Variants in ABTB1 observed in about 807,000 individuals in gnomAD.
ABTB1 encodes the protein ankyrin repeat and BTB domain containing 1, also known as ankyrin repeat and BTB/POZ domain-containing protein 1.
A neutral mutation model predicts 57.1 loss-of-function variants in ABTB1; 45 were observed. The observed-to-expected ratio is 0.79, with a 90% confidence interval of 0.62 to 1.01. ABTB1 has a LOEUF of 1.01. Ranked by LOEUF, ABTB1 falls within the 50% of genes least tolerant of loss-of-function variation. ABTB1 has a pLI of 0.00. For synonymous variants in ABTB1, 302 were observed against 275.4 expected, an observed-to-expected ratio of 1.10 and a Z score of -0.95; for missense variants, 630 against 666.3, an observed-to-expected ratio of 0.95 and a Z score of 0.60.
At position 127,677,216 on chromosome 3, in the gene ABTB1, C is replaced by G; in HGVS notation, c.692C>G (p.Pro231Arg). The G allele has an allele frequency of 3.1e-6, 5 of 1,609,714 alleles. No homozygotes were observed. The highest frequency in any genetic ancestry group is 4.2e-6 in the Non-Finnish European group (5 of 1,178,236). Residue 231 changes from proline (P) to arginine (R), a missense_variant, in exon 8 of 12, where the codon CCA becomes CGA. Around this residue, in one of 3 missense-constraint regions of ABTB1, gnomAD observed 579 missense variants for 585.9 expected, o/e 0.99. Transcript: ENST00000232744. ...TCVKVLTIEP[P>R]PADPRLREDM... ...GTGAAGGTGCTGACCATCGAGCCCC[C>G]ACCTGCAGACCCCCGCCTCCGGGAG... is the stretch of plus-strand genomic sequence containing the variant.
Position 127,676,340 on chromosome 3 carries a change from G to A in ABTB1, c.389G>A (p.Arg130His), listed in dbSNP as rs1254838670. The A allele has an allele frequency of 5.6e-6, 9 of 1,613,990 alleles. No homozygotes were observed. Among genetic ancestry groups the A allele is most frequent in the South Asian group, 5.5e-5 (5 of 91,084 alleles). The stretch of plus-strand genomic sequence containing the variant: ...CACGGGAAGCCATTCCGGGTGCATC[G>A]CTGCGTCCTGGGTGCACGTAGTGCC... ...VVHGKPFRVH[R>H]CVLGARSAYF... is the part of the protein sequence containing the mutation. Residue 130 changes from arginine to histidine, a missense_variant, in exon 5 of 12, where the codon CGC (arginine) becomes CAC (histidine). By Grantham distance (29) the Arg-to-His change is conservative. Around this residue, in one of 3 missense-constraint regions of ABTB1, gnomAD observed 579 missense variants for 585.9 expected, o/e 0.99. Transcript: ENST00000232744. The surrounding 1 kb of genome is among the most constrained non-coding windows in gnomAD (Gnocchi z 5.4).
chr3:127,675,846 A>C lies in ABTB1; in HGVS notation c.176-124A>C, dbSNP rs1234044088. On this transcript the variant is annotated intron_variant, in intron 3 of 11. Transcript: ENST00000232744. ...GTTGGGGTCAGAGTGGGCCCAGGGT[A>C]ATTTGGGAAGGCATCGCCAGAGATT... The C allele has an allele frequency of 1.2e-5, 16 of 1,323,082 alleles. No homozygotes were observed. The East Asian group carries it at 4.1e-4, about 34-fold the overall frequency. The allele number at this position is 1,323,082 out of a possible 1,614,324, so 82.0% of individuals were successfully genotyped here. A position where few individuals can be genotyped will look rare whatever the true frequency, so the allele number is the denominator to read the frequency against.
rs752900417 is a variant in ABTB1, at chr3:127,677,179, C to A, written c.655C>A (p.Pro219Thr). ...EKVSEFVASKPGTCVKVLTIE... is the reference protein window; with the variant it reads ...EKVSEFVASKTGTCVKVLTIE... ...TTCTTCCCCTGTAGTGGCGTCTAAG[C>A]CAGGCACGTGTGTGAAGGTGCTGAC... The change falls in exon 8 of 12, where the codon CCA (proline) becomes ACA (threonine). Residue 219 changes from proline (P) to threonine (T), a missense_variant. By Grantham distance (38) the Pro-to-Thr change is conservative. This residue lies in a region of ABTB1 where 579 missense variants were observed against 585.9 expected (regional missense o/e 0.99). Coordinates refer to ENST00000232744, the MANE Select transcript of ABTB1 (RefSeq NM_172027.3). The A allele has an allele frequency of 1.2e-6, 2 of 1,613,320 alleles. No homozygotes were observed. The highest frequency in any genetic ancestry group is 4.5e-5 in the East Asian group (2 of 44,868).
chr3:127,673,791 A>G (rs1426350485), intron 1 of ABTB1, among the ~76,000 whole-genome samples: 1 of 152,174 alleles, frequency 6.6e-6, no homozygotes, highest in East Asian at 1.9e-4. Flanking sequence ...CGTGCCACTC[A>G]AGAGTTAGTG....
intron 10 of ABTB1, chr3:127,679,768 C>T (rs1351225825): frequency 1.0e-5 from 6 of 592,500 alleles, no homozygotes; most frequent in Admixed American, 2.7e-5. Flanking sequence ...ATGGGAGAAC[C>T]CCCCAGTCTT....
At chr3:127,679,889 G>T in intron 10 of ABTB1, 96 bp from the exon 11 acceptor site, 1 of 1,255,464 alleles carries the variant, frequency 8.0e-7, no homozygotes, top group Non-Finnish European at 1.1e-6. Context: ...CTTCCCGCCA[G>T]TGCCCCCCAA....
In ABTB1 at chr3:127,676,460, A is replaced by C. The variant is rs1418024630; in HGVS notation, c.480+29A>C. ...TGTCCCTTCAGGGTGGCAGAGGGGCATGAACTGTCCAGGAACAGCAGGAGG... is the reference window on the plus strand; with the variant it reads ...TGTCCCTTCAGGGTGGCAGAGGGGCCTGAACTGTCCAGGAACAGCAGGAGG... On this transcript the variant is annotated intron_variant, in intron 5 of 11. Coordinates refer to ENST00000232744, the MANE Select transcript of ABTB1 (RefSeq NM_172027.3). This position sits in a 1 kb window ranked among gnomAD's most constrained non-coding sequence, Gnocchi z 5.4. 1 of 1,614,058 alleles carries C rather than the reference A, an allele frequency of 6.2e-7. No homozygotes were observed. Among genetic ancestry groups the C allele is most frequent in the Non-Finnish European group, 8.5e-7 (1 of 1,179,964 alleles).
intron 10 of ABTB1, chr3:127,678,747 G>A (rs2075052259): frequency 6.6e-6 from 1 of 152,290 alleles, no homozygotes; most frequent in Non-Finnish European, 1.5e-5. Context: ...GGAAGAGGAA[G>A]GCAGGGCAAG....
rs775415899 is a variant in ABTB1, at chr3:127,677,771, C to T, written c.957C>T (p.Ala319=). 32 of 1,612,258 alleles carry T rather than the reference C, an allele frequency of 2.0e-5. No homozygotes were observed. Among genetic ancestry groups the T allele is most frequent in the South Asian group, 1.2e-4 (11 of 90,830 alleles). The change falls in exon 10 of 12, where the codon GCC becomes GCT. Residue 319 remains alanine (A), a synonymous_variant. Transcript: ENST00000232744. ...CAGCGACCTCAGGGGGCCCCCCAGC[C>T]GTCACCCTGCATGGCATCTCACCCG... ...EEPATSGGPP[A]VTLHGISPDV... is the part of the protein sequence containing the mutation.
chr3:127,677,131 G>T, intron 7 of ABTB1, 37 bp from the exon 8 acceptor site: 1 of 1,613,164 alleles, frequency 6.2e-7, no homozygotes, highest in African/African-American at 1.3e-5. Flanking sequence ...GCCTGGCAGG[G>T]CTGGCCTGGC....
chr3:127,672,975 G>C lies in ABTB1; in HGVS notation c.-51G>C. On this transcript the variant is annotated 5_prime_UTR_variant, in exon 1 of 12. Transcript: ENST00000232744. ...CTGAGCGTGTTTACATCCGCCGGGTGCGCGGCTTCGCCGCCCGAGGTCGTT... is the reference window on the plus strand; with the variant it reads ...CTGAGCGTGTTTACATCCGCCGGGTCCGCGGCTTCGCCGCCCGAGGTCGTT... The C allele has an allele frequency of 6.6e-7, 1 of 1,516,406 alleles. No homozygotes were observed. 93.9% of individuals were successfully genotyped at this position (1,516,406 alleles called of 1,614,324 possible). A position where few individuals can be genotyped will look rare whatever the true frequency, so the allele number is the denominator to read the frequency against.
Position 127,676,569 on chromosome 3 carries a change from T to A in ABTB1, c.514T>A (p.Tyr172Asn). 1 of 1,613,878 alleles carries A rather than the reference T, an allele frequency of 6.2e-7. No homozygotes were observed. Among genetic ancestry groups the A allele is most frequent in the Non-Finnish European group, 8.5e-7 (1 of 1,179,926 alleles). ...NPVAFGALLQYLYTGRLDIGV... is the reference protein window; with the variant it reads ...NPVAFGALLQNLYTGRLDIGV... ...CGTGGCCTTTGGGGCCCTGCTGCAGTACCTGTACACAGGTGACCCCCTGGG... is the reference window on the plus strand; with the variant it reads ...CGTGGCCTTTGGGGCCCTGCTGCAGAACCTGTACACAGGTGACCCCCTGGG... The change falls in exon 6 of 12, where the codon TAC becomes AAC. Residue 172 changes from tyrosine to asparagine, a missense_variant. Physicochemically the swap from Tyr to Asn is moderately radical, Grantham distance 143 (BLOSUM62 -2). This residue lies in a region of ABTB1 where 579 missense variants were observed against 585.9 expected (regional missense o/e 0.99). Transcript: ENST00000232744. This position sits in a 1 kb window ranked among gnomAD's most constrained non-coding sequence, Gnocchi z 5.4.
At position 127,672,991 on chromosome 3, in the gene ABTB1, C is replaced by A. The variant is rs755913896; in HGVS notation, c.-35C>A. On this transcript the variant is annotated 5_prime_UTR_variant, in exon 1 of 12. Transcript: ENST00000232744. ...CCGCCGGGTGCGCGGCTTCGCCGCC[C>A]GAGGTCGTTCGGCTCGGGTACCATC... The A allele has an allele frequency of 3.3e-6, 5 of 1,533,990 alleles. No individual in the cohort carries two copies. Among genetic ancestry groups the A allele is most frequent in the Non-Finnish European group, 4.4e-6 (5 of 1,138,416 alleles).
intron 3 of ABTB1, 91 bp from the exon 4 acceptor site, chr3:127,675,879 C>A: frequency 6.6e-7 from 1 of 1,518,024 alleles, no homozygotes; most frequent in South Asian, 1.2e-5. Context: ...ATTCGGAGCC[C>A]CATGTGTGGG....
rs1576442940 is a variant in ABTB1 at position 127,674,575 on chromosome 3, G to C, written c.150G>C (p.Glu50Asp). ...LYYACLCGHE[E>D]LVLYLLANGA... Reference sequence around the variant, plus strand: ...ATGCCTGCTTGTGTGGGCACGAGGAGCTGGTACTCTACCTTCTGGCCAATG... The same window carrying C: ...ATGCCTGCTTGTGTGGGCACGAGGACCTGGTACTCTACCTTCTGGCCAATG... The change falls in exon 3 of 12, where the codon GAG becomes GAC. Residue 50 changes from glutamate (E) to aspartate (D), a missense_variant. Coordinates refer to ENST00000232744, the MANE Select transcript of ABTB1 (RefSeq NM_172027.3). The C allele has an allele frequency of 4.3e-6, 7 of 1,614,094 alleles. No individual in the cohort carries two copies. In the East Asian group the frequency reaches 1.6e-4, roughly 36 times the overall value.
At chr3:127,674,324 T>G in intron 1 of ABTB1, 67 bp from the exon 2 acceptor site, 1 of 1,559,968 alleles carries the variant, frequency 6.4e-7, no homozygotes, top group South Asian at 1.2e-5. Context: ...TCCGTTCCTT[T>G]CCACGGGCCT....
chr3:127,677,916 C>G, intron 10 of ABTB1, 73 bp downstream of exon 10: 1 of 1,542,866 alleles, frequency 6.5e-7, no homozygotes, highest in Non-Finnish European at 8.8e-7. Context: ...CGCCAGGGCC[C>G]TGGGGGTCTG....
At position 127,674,447 on chromosome 3, in the gene ABTB1, C is replaced by A; in HGVS notation, c.113C>A (p.Thr38Asn). The A allele has an allele frequency of 6.2e-7, 1 of 1,613,506 alleles. No homozygotes were observed. Among genetic ancestry groups the A allele is most frequent in the Non-Finnish European group, 8.5e-7 (1 of 1,179,694 alleles). Reference protein sequence around the residue: ...EVNVRDKWDSTPLYYACLCGH... With the variant: ...EVNVRDKWDSNPLYYACLCGH... Reference sequence around the variant, plus strand: ...AATGTGCGGGACAAGTGGGACAGCACCCCCTTGTGAGTGCTGGAGAGAGGG... The same window carrying A: ...AATGTGCGGGACAAGTGGGACAGCAACCCCTTGTGAGTGCTGGAGAGAGGG... The change falls in exon 2 of 12, where the codon ACC becomes AAC. Residue 38 changes from threonine (T) to asparagine (N), a missense_variant. This residue lies in a region of ABTB1 where 579 missense variants were observed against 585.9 expected (regional missense o/e 0.99). Coordinates refer to ENST00000232744, the MANE Select transcript of ABTB1 (RefSeq NM_172027.3).
chr3:127,677,585 C>T, intron 9 of ABTB1, 22 bp downstream of exon 9: 1 of 1,613,766 alleles, frequency 6.2e-7, no homozygotes, highest in Non-Finnish European at 8.5e-7. Context: ...CTCCTGTTGC[C>T]CCTGGCCCCA....
Sources: allele counts gnomAD v4.1 joint callset (sites outside exome capture counted in the v4.1 genomes callset), GRCh38; gene constraint gnomAD v4.1.1; regional missense constraint gnomAD v4.1.1; non-coding constraint Gnocchi (gnomAD v3.1); transcripts MANE v1.5; gene names NCBI Gene and HGNC (gene_info 2026-07-23, HGNC 2026-07-21).